Variants in KIFC3 observed in about 807,000 individuals in gnomAD.
KIFC3 encodes kinesin-like protein KIFC3.
Under a neutral mutation model 101.8 loss-of-function variants are expected in KIFC3, and 60 were observed. That is an observed-to-expected ratio of 0.59 (90% CI 0.48 to 0.73). KIFC3 has a LOEUF of 0.73. Ranked by LOEUF, KIFC3 falls within the 30% of genes least tolerant of loss-of-function variation. The probability of loss-of-function intolerance (pLI) is 0.00; values close to 1 mark genes in which losing one functional copy is unlikely to be tolerated. For synonymous variants in KIFC3, 476 were observed against 482.7 expected, an observed-to-expected ratio of 0.99 and a Z score of 0.18; for missense variants, 966 against 1,137.1, an observed-to-expected ratio of 0.85 and a Z score of 2.16.
intron 1 of KIFC3, among the ~76,000 whole-genome samples, chr16:57,833,264 C>T (rs1246281959): frequency 1.3e-5 from 2 of 151,970 alleles, no homozygotes; most frequent in Non-Finnish European, 2.9e-5. Context: ...CAGTGGCTAC[C>T]GTTTCCTATC....
rs143568891 is a variant in KIFC3, at chr16:57,842,058, T to C, written c.108+20671A>G. 1.0e-3 allele frequency among the ~76,000 whole-genome samples: 159 copies of C among 152,196 alleles called. 2 individuals are homozygous for C. The East Asian group carries it at 0.028, about 27-fold the overall frequency. ...CTCCTCATGCTTCCTTAGCCAGGCA[T>C]GGTGATGTGCACCTGTAATAGGTCC... is the stretch of plus-strand genomic sequence containing the variant. On this transcript the variant is annotated intron_variant, in intron 1 of 2. Transcript: ENST00000563028.
intron 1 of KIFC3, among the ~76,000 whole-genome samples, chr16:57,812,341 C>A (rs1268344226): frequency 8.2e-6 from 1 of 122,590 alleles, no homozygotes; most frequent in Non-Finnish European, 1.8e-5. Flanking sequence ...TGCGCCCAGC[C>A]CCCCATCTCT....
At chr16:57,847,139 G>A (rs1326913381) in intron 1 of KIFC3, among the ~76,000 whole-genome samples, 3 of 151,078 alleles carry the variant, frequency 2.0e-5, no homozygotes, top group Middle Eastern at 3.2e-3. Flanking sequence ...GAGCCAGATG[G>A]CACCACTGCA....
intron 3 of KIFC3, chr16:57,776,111 C>G: frequency 1.0e-6 from 1 of 985,500 alleles, no homozygotes; most frequent in Non-Finnish European, 1.2e-6. Flanking sequence ...GAAAGAAAAC[C>G]TGCTGGTTAC....
At chr16:57,773,325 G>C (rs934808811) in intron 3 of KIFC3, among the ~76,000 whole-genome samples, 2 of 152,202 alleles carry the variant, frequency 1.3e-5, no homozygotes, top group Admixed American at 1.3e-4. Context: ...AGGCAGGTGA[G>C]GGGCTGTGCA....
Position 57,858,774 on chromosome 16 carries a change from C to G in KIFC3, c.108+3955G>C, listed in dbSNP as rs1016901512. Among the ~76,000 whole-genome samples, 7 of 152,128 alleles carry G rather than the reference C, an allele frequency of 4.6e-5. No homozygotes were observed. In the East Asian group the frequency reaches 1.2e-3, roughly 25 times the overall value. The stretch of plus-strand genomic sequence containing the variant: ...CCAGCCTGGCCAACACGGTAAAACA[C>G]TGTTTCTACTAAAAGTACAAAAAAG... On this transcript the variant is annotated intron_variant, in intron 1 of 2. Coordinates refer to the KIFC3 transcript ENST00000563028.
At chr16:57,843,737 T>C (rs2055857162) in intron 1 of KIFC3, among the ~76,000 whole-genome samples, 1 of 152,176 alleles carries the variant, frequency 6.6e-6, no homozygotes. Flanking sequence ...TAGAAAATAC[T>C]GGAAATACCT....
At position 57,770,592 on chromosome 16, in the gene KIFC3, C is replaced by T; in HGVS notation, c.874G>A (p.Val292Met). Residue 292 changes from valine to methionine, a missense_variant, in exon 7 of 20, where the codon GTG becomes ATG. By Grantham distance (21) the Val-to-Met change is conservative. Transcript: ENST00000445690. Reference sequence around the variant, plus strand: ...AGCTGCTGTTCCATCTCCTTCAGCACCTGCCTCTGCATAGCCACCTGCTCC... The same window carrying T: ...AGCTGCTGTTCCATCTCCTTCAGCATCTGCCTCTGCATAGCCACCTGCTCC... The part of the protein sequence containing the change: ...LQEQVAMQRQ[V>M]LKEMEQQLQS... 1 of 1,530,992 alleles carries T rather than the reference C, an allele frequency of 6.5e-7. No individual in the cohort carries two copies. Among genetic ancestry groups the T allele is most frequent in the Non-Finnish European group, 8.8e-7 (1 of 1,137,854 alleles). The allele number at this position is 1,530,992 out of a possible 1,614,324, so 94.8% of individuals were successfully genotyped here.
intron 1 of KIFC3, among the ~76,000 whole-genome samples, chr16:57,800,170 T>G (rs2054627508): frequency 6.6e-6 from 1 of 152,160 alleles, no homozygotes; most frequent in Non-Finnish European, 1.5e-5. Context: ...CCTGAAGATC[T>G]GGTGTCTGAT....
rs1555628583 is a variant in KIFC3, at chr16:57,815,407, C to T, written c.109-17125G>A. ...AGAGATCCACACCGCACCCCACCAC[C>T]GCCACGTGTTTTCTAGGATCCCCTC... On this transcript the variant is annotated intron_variant, in intron 1 of 2. Coordinates refer to the KIFC3 transcript ENST00000563028. 12 of 1,179,460 alleles carry T rather than the reference C, an allele frequency of 1.0e-5. No individual in the cohort carries two copies. The African/African-American group carries it at 1.1e-4, about 11-fold the overall frequency. 73.1% of individuals were successfully genotyped at this position (1,179,460 alleles called of 1,614,324 possible). A position where few individuals can be genotyped will look rare whatever the true frequency, so the allele number is the denominator to read the frequency against.
At chr16:57,786,425 G>A (rs1043322667) in intron 3 of KIFC3, among the ~76,000 whole-genome samples, 2 of 152,152 alleles carry the variant, frequency 1.3e-5, no homozygotes, top group African/African-American at 4.8e-5. Context: ...TGTGCACGGG[G>A]CCTGGGATGC....
At chr16:57,802,956 C>T, upstream of KIFC3, 9 of 1,534,958 alleles carry the variant, frequency 5.9e-6, no homozygotes, top group Non-Finnish European at 7.9e-6. The surrounding 1 kb of genome is among the most constrained non-coding windows in gnomAD (Gnocchi z 5.0). Context: ...CAAGCTCTTA[C>T]TCACGAGACA....
intron 1 of KIFC3, among the ~76,000 whole-genome samples, chr16:57,842,155 G>A (rs538410713): frequency 4.0e-5 from 6 of 151,884 alleles, no homozygotes; most frequent in South Asian, 2.1e-4. Flanking sequence ...AGCTGAGATC[G>A]TGCCACTGCA....
intron 18 of KIFC3, 124 bp downstream of exon 18, chr16:57,759,604 G>C (rs2049574075): frequency 1.4e-6 from 1 of 707,286 alleles, no homozygotes; most frequent in Non-Finnish European, 2.4e-6. Context: ...TGTAAAACAG[G>C]TTCTGGAGAA....
chr16:57,854,438 C>G (rs1249359434), intron 1 of KIFC3, among the ~76,000 whole-genome samples: 1 of 151,692 alleles, frequency 6.6e-6, no homozygotes, highest in African/African-American at 2.4e-5. Context: ...GACCAGCCTG[C>G]CCAACATGGC....
intron 1 of KIFC3, among the ~76,000 whole-genome samples, chr16:57,854,725 C>G (rs959701231): frequency 2.0e-5 from 3 of 152,130 alleles, no homozygotes; most frequent in Admixed American, 6.6e-5. Context: ...CTGGAATACT[C>G]TACCCAAGAA....
chr16:57,826,356 G>T (rs1555630787), intron 1 of KIFC3, among the ~76,000 whole-genome samples: 1 of 152,172 alleles, frequency 6.6e-6, no homozygotes, highest in Non-Finnish European at 1.5e-5. Flanking sequence ...AGGTAATCGA[G>T]TTATTTCTAG....
chr16:57,784,114 C>T (rs1320647975), intron 3 of KIFC3, among the ~76,000 whole-genome samples: 3 of 152,218 alleles, frequency 2.0e-5, no homozygotes, highest in Non-Finnish European at 2.9e-5. Flanking sequence ...AGCAAATGTC[C>T]GTTTTCCCCC....
rs112441975 is a variant in KIFC3 at position 57,769,468 on chromosome 16, G to T, written c.1218+127C>A. Reference sequence around the variant, plus strand: ...ATAAGGGCAGCAGTAAGTGTCATGGGGGGTGGGGCAGGGGCTGCTGTCTGA... The same window carrying T: ...ATAAGGGCAGCAGTAAGTGTCATGGTGGGTGGGGCAGGGGCTGCTGTCTGA... On this transcript the variant is annotated intron_variant, in intron 9 of 19. Transcript: ENST00000445690. This position sits in a 1 kb window ranked among gnomAD's most constrained non-coding sequence, Gnocchi z 4.3. The T allele has an allele frequency of 2.0e-5, 24 of 1,185,170 alleles. No homozygotes were observed. The South Asian group carries it at 3.3e-4, about 16-fold the overall frequency. 73.4% of individuals were successfully genotyped at this position (1,185,170 alleles called of 1,614,324 possible). A position where few individuals can be genotyped will look rare whatever the true frequency, so the allele number is the denominator to read the frequency against.
Sources: gnomAD v4.1 joint callset for allele counts (sites outside exome capture counted in the v4.1 genomes callset) on GRCh38, gnomAD v4.1.1 for gene constraint, Gnocchi (gnomAD v3.1) non-coding constraint, MANE v1.5 for transcripts, NCBI Gene and HGNC (gene_info 2026-07-23, HGNC 2026-07-21) for gene names.